Variants in PREP observed in about 807,000 individuals in gnomAD.
PREP encodes the protein prolyl endopeptidase.
Under a neutral mutation model 87.6 loss-of-function variants are expected in PREP, and 29 were observed. That is an observed-to-expected ratio of 0.33 (90% confidence interval 0.25 to 0.45). PREP has a LOEUF of 0.45. Ranked by LOEUF, PREP falls within the 20% of genes least tolerant of loss-of-function variation. PREP has a pLI of 1.00. For missense variants in PREP, 695 were observed against 886.5 expected, an observed-to-expected ratio of 0.78 and a Z score of 2.74; for synonymous variants, 337 against 328.6, an observed-to-expected ratio of 1.03 and a Z score of -0.28.
At chr6:105,380,503 G>A (rs528744165) in intron 2 of PREP, among the ~76,000 whole-genome samples, 1 of 152,196 alleles carries the variant, frequency 6.6e-6, no homozygotes, top group Non-Finnish European at 1.5e-5. Context: ...GAGCAAAAGT[G>A]GAGACAGACA....
intron 2 of PREP, among the ~76,000 whole-genome samples, chr6:105,388,715 G>C (rs1381876541): frequency 1.3e-5 from 2 of 152,186 alleles, no homozygotes; most frequent in African/African-American, 4.8e-5. Context: ...TAGAGACTGA[G>C]ATAATATGTG....
intron 9 of PREP, among the ~76,000 whole-genome samples, chr6:105,325,669 T>G (rs1771136500): frequency 6.6e-6 from 1 of 152,234 alleles, no homozygotes; most frequent in African/African-American, 2.4e-5. Context: ...CCATCTAGGT[T>G]AGCCCATTGC....
chr6:105,295,157 CTTTTTTT>C (rs10586996), intron 10 of PREP, among the ~76,000 whole-genome samples: 1 of 132,588 alleles, frequency 7.5e-6, no homozygotes, highest in African/African-American at 2.7e-5. Flanking sequence ...CAATGTTTTC[CTTTTTTT>C]TTTTTTTTTA....
At chr6:105,397,607 A>C (rs1181933635) in intron 2 of PREP, among the ~76,000 whole-genome samples, 3 of 152,020 alleles carry the variant, frequency 2.0e-5, no homozygotes, top group African/African-American at 7.3e-5. Context: ...AAAATAGCTC[A>C]TCAGTGTCAC....
intron 6 of PREP, among the ~76,000 whole-genome samples, chr6:105,365,191 G>A (rs763237546): frequency 1.3e-5 from 2 of 152,224 alleles, no homozygotes; most frequent in Non-Finnish European, 2.9e-5. Context: ...AGGTTGCAGC[G>A]AGCCGAAATC....
intron 10 of PREP, among the ~76,000 whole-genome samples, chr6:105,305,759 G>T (rs1220984376): frequency 6.6e-6 from 1 of 152,032 alleles, no homozygotes; most frequent in Non-Finnish European, 1.5e-5. Flanking sequence ...TCTAGCCCCA[G>T]CATTATCATC....
chr6:105,333,181 A>G, intron 8 of PREP, 133 bp downstream of exon 8: 1 of 789,736 alleles, frequency 1.3e-6, no homozygotes, highest in Non-Finnish European at 2.0e-6. Context: ...CTATTTAGAC[A>G]CTTCATTCCT....
intron 10 of PREP, among the ~76,000 whole-genome samples, chr6:105,292,500 T>C (rs755136109): frequency 6.6e-6 from 1 of 152,172 alleles, no homozygotes; most frequent in African/African-American, 2.4e-5. Context: ...GAGTAAACCT[T>C]GGTGTAAACA....
At chr6:105,391,944 C>T (rs1317951540) in intron 2 of PREP, among the ~76,000 whole-genome samples, 2 of 152,110 alleles carry the variant, frequency 1.3e-5, no homozygotes, top group South Asian at 4.2e-4. Context: ...CAAGACTGCA[C>T]CAAACTTCCT....
intron 12 of PREP, among the ~76,000 whole-genome samples, chr6:105,282,819 G>GAACTT (rs1400063699): frequency 2.6e-5 from 4 of 152,154 alleles, no homozygotes; most frequent in Non-Finnish European, 5.9e-5. Flanking sequence ...AAAGCCTCTA[G>GAACTT]AACTTAAACG....
intron 9 of PREP, among the ~76,000 whole-genome samples, chr6:105,324,768 T>C (rs1771104876): frequency 6.6e-6 from 1 of 152,200 alleles, no homozygotes; most frequent in Admixed American, 6.5e-5. Context: ...GTGTATGCAC[T>C]TCACTAACAG....
At chr6:105,308,164 T>C (rs1306387369) in intron 10 of PREP, among the ~76,000 whole-genome samples, 2 of 151,862 alleles carry the variant, frequency 1.3e-5, no homozygotes, top group Admixed American at 6.6e-5. Flanking sequence ...ATTGAATGCA[T>C]GAAAGAAGCT....
At position 105,377,381 on chromosome 6, in the gene PREP, C is replaced by A; in HGVS notation, c.254+5G>T. 6.3e-7 allele frequency: 1 copy of A among 1,595,054 alleles called. No individual in the cohort carries two copies. The highest frequency in any genetic ancestry group is 1.2e-5 in the South Asian group (1 of 86,752). On this transcript the variant is annotated splice_donor_5th_base_variant and intron_variant, in intron 3 of 14. Transcript: ENST00000652536. ...AAAAAGGAAATTCAGTAAAAGCAGT[C>A]TCACCGTTTTCCTTTCTTGAAGTGG...
At position 105,276,029 on chromosome 6, in the gene PREP, A is replaced by G. The variant is rs1283363459; in HGVS notation, c.*2115T>C. Among the ~76,000 whole-genome samples the G allele has an allele frequency of 6.6e-6, 1 of 152,234 alleles. No homozygotes were observed. Among genetic ancestry groups the G allele is most frequent in the African/African-American group, 2.4e-5 (1 of 41,460 alleles). On this transcript the variant is annotated 3_prime_UTR_variant, in exon 15 of 15. Coordinates refer to ENST00000652536, the MANE Select transcript of PREP (RefSeq NM_002726.5). ...CTAGAAGAGAGTAATCATAAGAAAG[A>G]GCCAAAGGGCAGAGCACAGGATACA... is the stretch of plus-strand genomic sequence containing the variant.
intron 10 of PREP, among the ~76,000 whole-genome samples, chr6:105,310,654 CCTT>C (rs1770741894): frequency 6.6e-6 from 1 of 152,188 alleles, no homozygotes; most frequent in African/African-American, 2.4e-5. Flanking sequence ...AGCTCTTCCT[CCTT>C]CAACTGACCC....
intron 6 of PREP, among the ~76,000 whole-genome samples, chr6:105,356,613 T>A (rs1772105639): frequency 6.6e-6 from 1 of 152,194 alleles, no homozygotes; most frequent in South Asian, 2.1e-4. Flanking sequence ...ACTACGATAC[T>A]CTGAGCTCCT....
intron 12 of PREP, among the ~76,000 whole-genome samples, chr6:105,283,778 T>C (rs76057020): frequency 5.3e-5 from 8 of 152,346 alleles, no homozygotes; most frequent in African/African-American, 1.7e-4. Context: ...AAACATAGTC[T>C]ACTGTTAGCC....
At chr6:105,367,529 G>A (rs532645551) in intron 6 of PREP, among the ~76,000 whole-genome samples, 15 of 152,050 alleles carry the variant, frequency 9.9e-5, no homozygotes, top group South Asian at 4.2e-4. Flanking sequence ...AAAATATGCC[G>A]GGCGTAGTGG....
At chr6:105,368,217 A>G (rs1460723297) in intron 6 of PREP, among the ~76,000 whole-genome samples, 18 of 152,218 alleles carry the variant, frequency 1.2e-4, no homozygotes, top group Non-Finnish European at 7.3e-5. Flanking sequence ...ACCCATATTA[A>G]AACATATTCA....
Sources: allele counts gnomAD v4.1 joint callset (sites outside exome capture counted in the v4.1 genomes callset), GRCh38; gene constraint gnomAD v4.1.1; transcripts MANE v1.5; gene names NCBI Gene and HGNC (gene_info 2026-07-23, HGNC 2026-07-21).